The following PROX1 variants were observed in gnomAD, a reference collection of about 807,000 sequenced individuals.
PROX1 encodes prospero homeobox 1.
Under a neutral mutation model 58.8 loss-of-function variants are expected in PROX1, and 7 were observed. That is an observed-to-expected ratio of 0.12 (90% CI 0.07 to 0.22). The LOEUF is 0.22. Among genes scored for constraint, PROX1 ranks in the 10% least tolerant of loss-of-function variants. The pLI is 1.00. For missense variants in PROX1, 675 were observed against 927.8 expected (o/e 0.73, Z 3.54); for synonymous variants, 350 against 358.3 (o/e 0.98, Z 0.26).
chr1:213,999,085 C>T lies in PROX1; in HGVS notation c.1725+825C>T, dbSNP rs563154493. 2.0e-4 allele frequency among the ~76,000 whole-genome samples: 30 copies of T among 152,272 alleles called. No homozygotes were observed. In the South Asian group the frequency reaches 6.0e-3, roughly 30 times the overall value. On this transcript the variant is annotated intron_variant, in intron 2 of 4. Coordinates refer to ENST00000366958, the MANE Select transcript of PROX1 (RefSeq NM_001270616.2). ...GAGCACAATTAAATATAAAACTCAGCTGTATTCGACTTAAAAATGGCTCTT... is the reference window on the plus strand; with the variant it reads ...GAGCACAATTAAATATAAAACTCAGTTGTATTCGACTTAAAAATGGCTCTT...
At chr1:214,015,932 A>C (rs940770006) in intron 4 of PROX1, among the ~76,000 whole-genome samples, 3 of 152,144 alleles carry the variant, frequency 2.0e-5, no homozygotes, top group African/African-American at 7.2e-5. Context: ...AGAATGACAG[A>C]TCTCCCCTAT....
At chr1:214,018,099 A>G (rs1664157349) in intron 4 of PROX1, among the ~76,000 whole-genome samples, 1 of 152,208 alleles carries the variant, frequency 6.6e-6, no homozygotes, top group African/African-American at 2.4e-5. Flanking sequence ...TTTCGCCTAG[A>G]TGAAACAAAT....
In PROX1 at chr1:214,036,578, T is replaced by G. The variant is rs1303059139; in HGVS notation, c.*744T>G. On this transcript the variant is annotated 3_prime_UTR_variant, in exon 5 of 5. Transcript: ENST00000366958. Reference sequence around the variant, plus strand: ...TGGTCTTGTAGCCACCTCTCTAAACTTGAAAATAGGTTCTTCTTCATAAGT... The same window carrying G: ...TGGTCTTGTAGCCACCTCTCTAAACGTGAAAATAGGTTCTTCTTCATAAGT... 1 of 152,194 alleles carries G rather than the reference T, an allele frequency of 6.6e-6. No homozygotes were observed. The highest frequency in any genetic ancestry group is 1.9e-4 in the East Asian group (1 of 5,184). The allele number at this position is 152,194 out of a possible 1,614,324, so 9.4% of individuals were successfully genotyped here.
At chr1:213,994,802 T>TATATATAA (rs1663194260) in intron 1 of PROX1, among the ~76,000 whole-genome samples, 1 of 120,810 alleles carries the variant, frequency 8.3e-6, no homozygotes, top group African/African-American at 3.1e-5. Flanking sequence ...TATATATATA[T>TATATATAA]AAAGAGGTAT....
intron 4 of PROX1, among the ~76,000 whole-genome samples, chr1:214,015,174 G>A (rs1031887946): frequency 1.3e-5 from 2 of 152,128 alleles, no homozygotes; most frequent in Non-Finnish European, 2.9e-5. Flanking sequence ...ACACCCAAGG[G>A]GAAAAATACG....
chr1:214,004,832 G>A (rs1663649453), intron 2 of PROX1, among the ~76,000 whole-genome samples: 1 of 152,136 alleles, frequency 6.6e-6, no homozygotes, highest in Non-Finnish European at 1.5e-5. Context: ...TACATGTTGG[G>A]TGCATTTGTC....
intron 2 of PROX1, among the ~76,000 whole-genome samples, chr1:213,998,971 T>C (rs1663392527): frequency 6.6e-6 from 1 of 152,220 alleles, no homozygotes; most frequent in African/African-American, 2.4e-5. Flanking sequence ...CTGGTGCAGC[T>C]GCCTCTATGC....
At chr1:213,992,960 G>T (rs1157024709) in intron 1 of PROX1, among the ~76,000 whole-genome samples, 1 of 152,164 alleles carries the variant, frequency 6.6e-6, no homozygotes, top group Non-Finnish European at 1.5e-5. Context: ...TAAAGAGAAT[G>T]TCAGATAATT....
At chr1:213,983,676 C>T (rs1479431027), upstream of PROX1, 4 of 152,396 alleles carry the variant, frequency 2.6e-5, no homozygotes, top group Non-Finnish European at 5.9e-5. Context: ...GCGGGAACCC[C>T]CAGATACGTA....
intron 4 of PROX1, among the ~76,000 whole-genome samples, chr1:214,026,338 C>T (rs1385821694): frequency 3.3e-5 from 5 of 152,126 alleles, no homozygotes; most frequent in African/African-American, 1.2e-4. Flanking sequence ...CAAATTTCAG[C>T]CCCACGAAAT....
At chr1:213,995,961 T>C (rs1184420940) in intron 1 of PROX1, among the ~76,000 whole-genome samples, 3 of 152,232 alleles carry the variant, frequency 2.0e-5, no homozygotes, top group African/African-American at 7.2e-5. Flanking sequence ...CTCTATTATA[T>C]ATTTGCATTT....
At chr1:214,012,013 A>G (rs868772444) in intron 4 of PROX1, among the ~76,000 whole-genome samples, 1 of 152,218 alleles carries the variant, frequency 6.6e-6, no homozygotes, top group African/African-American at 2.4e-5. Context: ...CAGCAAAGAC[A>G]GAGTGATTCA....
At position 214,003,638 on chromosome 1, in the gene PROX1, A is replaced by G. The variant is rs368395447; in HGVS notation, c.1726-1527A>G. 5.5e-5 allele frequency among the ~76,000 whole-genome samples: 8 copies of G among 145,904 alleles called. No individual in the cohort carries two copies. In the East Asian group the frequency reaches 1.6e-3, roughly 28 times the overall value. On this transcript the variant is annotated intron_variant, in intron 2 of 4. Coordinates refer to ENST00000366958, the MANE Select transcript of PROX1 (RefSeq NM_001270616.2). ...TTTAGTGTTTATTTTCAGTTTAACAAAAAATAAAAAAATAAAAAACCTGCA... is the reference window on the plus strand; with the variant it reads ...TTTAGTGTTTATTTTCAGTTTAACAGAAAATAAAAAAATAAAAAACCTGCA...
At chr1:214,034,075 C>G (rs1312246446) in intron 4 of PROX1, among the ~76,000 whole-genome samples, 10 of 152,188 alleles carry the variant, frequency 6.6e-5, no homozygotes, top group Admixed American at 6.5e-4. Context: ...AAGCTTAAGA[C>G]TGATTGGCCC....
chr1:214,036,449 T>C lies in PROX1; in HGVS notation c.*615T>C, dbSNP rs559800664. The C allele has an allele frequency of 1.3e-5, 2 of 152,308 alleles. No homozygotes were observed. Among genetic ancestry groups the C allele is most frequent in the Admixed American group, 1.3e-4 (2 of 15,308 alleles). 9.4% of individuals were successfully genotyped at this position (152,308 alleles called of 1,614,324 possible). ...GAAAAATAATCACTCTCAAGCCTTG[T>C]CTAAGAAAAGAGGCAAACTCTGAAA... On this transcript the variant is annotated 3_prime_UTR_variant, in exon 5 of 5. Coordinates refer to ENST00000366958, the MANE Select transcript of PROX1 (RefSeq NM_001270616.2).
In PROX1 at chr1:214,038,697, A is replaced by T. The variant is rs1253358096; in HGVS notation, c.*2863A>T. The stretch of plus-strand genomic sequence containing the variant: ...TACCAGTTTTTTCCCAACAAGTACA[A>T]TTGTTCTTGTGCCTTCTGTGGCTTT... On this transcript the variant is annotated 3_prime_UTR_variant, in exon 5 of 5. Coordinates refer to ENST00000366958, the MANE Select transcript of PROX1 (RefSeq NM_001270616.2). The T allele has an allele frequency of 6.6e-6, 1 of 152,106 alleles. No homozygotes were observed. The highest frequency in any genetic ancestry group is 1.5e-5 in the Non-Finnish European group (1 of 68,008). 9.4% of individuals were successfully genotyped at this position (152,106 alleles called of 1,614,324 possible). A position where few individuals can be genotyped will look rare whatever the true frequency, so the allele number is the denominator to read the frequency against.
chr1:214,002,049 C>T (rs971712720), intron 2 of PROX1, among the ~76,000 whole-genome samples: 20 of 152,094 alleles, frequency 1.3e-4, no homozygotes, highest in African/African-American at 4.8e-4. Context: ...AACTAAAATT[C>T]TTTAGGTTTC....
chr1:214,016,440 A>G (rs446175), intron 4 of PROX1, among the ~76,000 whole-genome samples: 103,302 of 152,082 alleles, frequency 0.68, 35,728 homozygotes, highest in South Asian at 0.84. Flanking sequence ...GTGATCGTTT[A>G]GAAAACTGGC....
chr1:213,994,717 G>A (rs1460203709), intron 1 of PROX1, among the ~76,000 whole-genome samples: 3 of 128,074 alleles, frequency 2.3e-5, no homozygotes, highest in African/African-American at 8.8e-5. Flanking sequence ...TTATCCTGAA[G>A]CATGCAAAAA....
Sources: allele counts gnomAD v4.1 joint callset (sites outside exome capture counted in the v4.1 genomes callset), GRCh38; gene constraint gnomAD v4.1.1; transcripts MANE v1.5; gene names NCBI Gene and HGNC (gene_info 2026-07-23, HGNC 2026-07-21).